PCDHA3: variants seen among roughly 807,000 people sequenced by gnomAD.
The protein encoded by PCDHA3 is protocadherin alpha 3.
PCDHA3 carries 41 observed loss-of-function variants against 62.2 expected under a neutral mutation model. The observed-to-expected ratio is 0.66, with a 90% confidence interval of 0.51 to 0.86. The LOEUF is 0.86. PCDHA3 is among the 40% of genes least tolerant of loss of function. The probability of loss-of-function intolerance (pLI) is 0.00; values close to 1 mark genes in which losing one functional copy is unlikely to be tolerated. For synonymous variants in PCDHA3, 640 were observed against 555.4 expected (o/e 1.15, Z -2.14); for missense variants, 1,304 against 1,241.2 (o/e 1.05, Z -0.76).
At chr5:141,006,637 T>C (rs782585273) in intron 3 of PCDHA3, among the ~76,000 whole-genome samples, 8 of 152,118 alleles carry the variant, frequency 5.3e-5, no homozygotes, top group Non-Finnish European at 1.2e-4. Flanking sequence ...GCAATTCATA[T>C]AAGAGATGAT....
chr5:140,970,873 A>G (rs138100298), intron 1 of PCDHA3, among the ~76,000 whole-genome samples: 80 of 152,316 alleles, frequency 5.3e-4, no homozygotes, highest in African/African-American at 1.8e-3. Context: ...GATTGAGAGT[A>G]GATTTTTCTC....
chr5:140,839,516 A>G (rs2150298514), intron 1 of PCDHA3, among the ~76,000 whole-genome samples: 7 of 151,942 alleles, frequency 4.6e-5, no homozygotes, highest in African/African-American at 1.7e-4. Context: ...CAGCCTCTCA[A>G]GTTGCTGGGA....
chr5:140,926,726 C>T, intron 1 of PCDHA3: 1 of 1,046,502 alleles, frequency 9.6e-7, no homozygotes, highest in Non-Finnish European at 1.3e-6. Flanking sequence ...GCAATGCCGG[C>T]GTTCGGGAGG....
chr5:141,002,681 C>T (rs556518008), intron 3 of PCDHA3, among the ~76,000 whole-genome samples: 32 of 152,154 alleles, frequency 2.1e-4, no homozygotes, highest in Non-Finnish European at 4.0e-4. Context: ...ACCTATACGA[C>T]GTGCAGATTT....
At chr5:140,832,439 G>A (rs1771989250) in intron 1 of PCDHA3, among the ~76,000 whole-genome samples, 1 of 152,132 alleles carries the variant, frequency 6.6e-6, no homozygotes, top group Admixed American at 6.6e-5. Context: ...TAATTTTTAA[G>A]CGTGTAATTA....
chr5:140,998,893 C>T (rs144409989), intron 3 of PCDHA3, among the ~76,000 whole-genome samples: 1 of 152,306 alleles, frequency 6.6e-6, no homozygotes, highest in African/African-American at 2.4e-5. Flanking sequence ...GAATAAATAA[C>T]AATGCCTCCG....
Position 140,842,816 on chromosome 5 carries a change from G to T in PCDHA3, c.2394+39225G>T, listed in dbSNP as rs144864522. On this transcript the variant is annotated intron_variant, in intron 1 of 3. Coordinates refer to ENST00000522353, the MANE Select transcript of PCDHA3 (RefSeq NM_018906.3). Reference sequence around the variant, plus strand: ...GTCCTACTCGCTTGTGGAGCGGCGGGTGGGCGAGCGCTCGCTGTCGAGCTA... The same window carrying T: ...GTCCTACTCGCTTGTGGAGCGGCGGTTGGGCGAGCGCTCGCTGTCGAGCTA... 2.5e-5 allele frequency: 40 copies of T among 1,594,004 alleles called. 2 individuals are homozygous for T. The African/African-American group carries it at 4.0e-4, about 16-fold the overall frequency.
chr5:140,835,368 C>T, intron 1 of PCDHA3: 2 of 1,613,924 alleles, frequency 1.2e-6, no homozygotes, highest in Non-Finnish European at 1.7e-6. Context: ...AGGCTTCCCA[C>T]CCCTGGCTGG....
intron 1 of PCDHA3, chr5:140,929,425 A>G (rs2086148550): frequency 6.7e-7 from 1 of 1,496,844 alleles, no homozygotes. Context: ...CATTTCATCA[A>G]TTGAACTAAA....
At chr5:140,835,036 G>A (rs1554134704) in intron 1 of PCDHA3, 16 of 1,285,586 alleles carry the variant, frequency 1.2e-5, no homozygotes, top group Non-Finnish European at 6.3e-6. Context: ...ACCGATGGAG[G>A]CAAACCCGAG....
At chr5:140,825,666 C>T (rs1209779806) in intron 1 of PCDHA3, 2 of 152,100 alleles carry the variant, frequency 1.3e-5, no homozygotes, top group Non-Finnish European at 2.9e-5. Context: ...AGGTGATTTA[C>T]CCGCCTCGGC....
At chr5:140,825,177 G>T (rs1289982314) in intron 1 of PCDHA3, 2 of 151,306 alleles carry the variant, frequency 1.3e-5, no homozygotes, top group Non-Finnish European at 1.5e-5. Context: ...ATTTACTAAT[G>T]TATCTTGATG....
In PCDHA3 at chr5:140,835,601, A is replaced by T. The variant is rs2150239166; in HGVS notation, c.2394+32010A>T. Reference sequence around the variant, plus strand: ...TGTCCACCTTCAAGAATTACTATTCATTGGTGCTGGACAGCGCTCTGGACC... The same window carrying T: ...TGTCCACCTTCAAGAATTACTATTCTTTGGTGCTGGACAGCGCTCTGGACC... On this transcript the variant is annotated intron_variant, in intron 1 of 3. Coordinates refer to ENST00000522353, the MANE Select transcript of PCDHA3 (RefSeq NM_018906.3). 5 of 1,613,788 alleles carry T rather than the reference A, an allele frequency of 3.1e-6. No individual in the cohort carries two copies. The African/African-American group carries it at 5.3e-5, about 17-fold the overall frequency.
At chr5:140,828,215 G>T in intron 1 of PCDHA3, 2 of 1,614,016 alleles carry the variant, frequency 1.2e-6, no homozygotes, top group Middle Eastern at 1.7e-4. Context: ...GGCCAAACAC[G>T]GCACCTTCGT....
chr5:140,869,252 A>G (rs1204781858), intron 1 of PCDHA3: 2 of 1,613,490 alleles, frequency 1.2e-6, no homozygotes, highest in African/African-American at 2.7e-5. Flanking sequence ...CGCATCGCGC[A>G]GGACCTGGGG....
At chr5:140,988,519 T>C (rs187868159) in intron 3 of PCDHA3, among the ~76,000 whole-genome samples, 69 of 152,324 alleles carry the variant, frequency 4.5e-4, no homozygotes, top group African/African-American at 1.5e-3. Context: ...TACTTAAGTC[T>C]CTGCTGGCTC....
At chr5:140,849,121 A>T (rs2150430770) in intron 1 of PCDHA3, 1 of 1,407,396 alleles carries the variant, frequency 7.1e-7, no homozygotes. Flanking sequence ...CCGGAGCTTC[A>T]TTTATTGCTC....
chr5:140,954,673 CTT>C (rs1173553071), intron 1 of PCDHA3, among the ~76,000 whole-genome samples: 2 of 152,076 alleles, frequency 1.3e-5, no homozygotes, highest in South Asian at 4.1e-4. Flanking sequence ...GGATATTAGA[CTT>C]TTGTCAGATG....
At chr5:140,919,110 C>T (rs1274257448) in intron 1 of PCDHA3, among the ~76,000 whole-genome samples, 3 of 152,118 alleles carry the variant, frequency 2.0e-5, no homozygotes, top group Non-Finnish European at 2.9e-5. Flanking sequence ...TTCATTTCTG[C>T]CAGTTTTTGC....
Sources: gnomAD v4.1 joint callset for allele counts (sites outside exome capture counted in the v4.1 genomes callset) on GRCh38, gnomAD v4.1.1 for gene constraint, MANE v1.5 for transcripts, NCBI Gene and HGNC (gene_info 2026-07-23, HGNC 2026-07-21) for gene names.